The following PTPRK variants were observed in gnomAD, a reference collection of about 807,000 sequenced individuals.
PTPRK encodes receptor-type tyrosine-protein phosphatase kappa.
PTPRK carries 75 observed loss-of-function variants against 178.0 expected under a neutral mutation model. That is an observed-to-expected ratio of 0.42 (90% CI 0.35 to 0.51). PTPRK has a LOEUF of 0.51. Among genes scored for constraint, PTPRK ranks in the 20% least tolerant of loss-of-function variants. PTPRK has a pLI of 0.02. For synonymous variants in PTPRK, 637 were observed against 620.6 expected (o/e 1.03, Z -0.39); for missense variants, 1,441 against 1,797.8 (o/e 0.80, Z 3.59).
intron 2 of PTPRK, among the ~76,000 whole-genome samples, chr6:128,326,523 T>C (rs541766524): frequency 6.6e-6 from 1 of 152,256 alleles, no homozygotes; most frequent in Non-Finnish European, 1.5e-5. Flanking sequence ...AATGCAGTCA[T>C]TAAGAATAAT....
chr6:128,416,083 A>G lies in PTPRK; in HGVS notation c.101-18395T>C, dbSNP rs530413255. 3.3e-5 allele frequency among the ~76,000 whole-genome samples: 5 copies of G among 152,270 alleles called. No homozygotes were observed. The East Asian group carries it at 7.8e-4, about 24-fold the overall frequency. The stretch of plus-strand genomic sequence containing the variant: ...AAGTGCCTGTCCTAAACAGGACTAC[A>G]GAAATATAAGTACATAATTACAGTA... On this transcript the variant is annotated intron_variant, in intron 1 of 29. Transcript: ENST00000368226.
At chr6:128,115,253 T>C (rs1336794838) in intron 7 of PTPRK, among the ~76,000 whole-genome samples, 1 of 152,116 alleles carries the variant, frequency 6.6e-6, no homozygotes, top group Non-Finnish European at 1.5e-5. Flanking sequence ...CAAACACATA[T>C]GTCCCCTAGG....
chr6:128,502,956 G>A (rs1855771418), intron 1 of PTPRK, among the ~76,000 whole-genome samples: 1 of 152,110 alleles, frequency 6.6e-6, no homozygotes, highest in Non-Finnish European at 1.5e-5. Context: ...GGCCAGGCAT[G>A]GTGGCTCACA....
At chr6:128,458,782 G>A (rs1230193263) in intron 1 of PTPRK, among the ~76,000 whole-genome samples, 1 of 152,156 alleles carries the variant, frequency 6.6e-6, no homozygotes, top group Admixed American at 6.5e-5. Context: ...TACCATTTGA[G>A]AGAATCACAG....
chr6:128,473,988 A>C (rs1420630486), intron 1 of PTPRK, among the ~76,000 whole-genome samples: 2 of 152,124 alleles, frequency 1.3e-5, no homozygotes. Flanking sequence ...CTTTCCATGT[A>C]ACCTAACGGG....
chr6:128,234,043 T>C (rs1438851371), intron 5 of PTPRK, among the ~76,000 whole-genome samples: 5 of 152,244 alleles, frequency 3.3e-5, no homozygotes, highest in East Asian at 3.8e-4. Flanking sequence ...TGTCCACTTA[T>C]ACTGGACCTT....
chr6:128,147,745 G>T (rs1796695668), intron 7 of PTPRK, among the ~76,000 whole-genome samples: 1 of 152,026 alleles, frequency 6.6e-6, no homozygotes, highest in East Asian at 1.9e-4. Flanking sequence ...AACAACACAG[G>T]ATAAAACAAA....
At chr6:128,169,089 A>G (rs1403500896) in intron 7 of PTPRK, among the ~76,000 whole-genome samples, 1 of 152,074 alleles carries the variant, frequency 6.6e-6, no homozygotes, top group Non-Finnish European at 1.5e-5. Flanking sequence ...GTTACAGGCT[A>G]TACATTTGCA....
chr6:128,352,123 G>A (rs967608523), intron 2 of PTPRK, among the ~76,000 whole-genome samples: 17 of 151,356 alleles, frequency 1.1e-4, no homozygotes, highest in Non-Finnish European at 2.1e-4. Context: ...GCATGGTGGC[G>A]CACACCTGTA....
At chr6:128,093,727 G>A (rs1439216604) in intron 7 of PTPRK, among the ~76,000 whole-genome samples, 1 of 149,722 alleles carries the variant, frequency 6.7e-6, no homozygotes, top group Non-Finnish European at 1.5e-5. Context: ...TCAATGTTTA[G>A]ATCAAGTCAT....
At chr6:128,363,182 C>A (rs1835004875) in intron 2 of PTPRK, among the ~76,000 whole-genome samples, 1 of 152,128 alleles carries the variant, frequency 6.6e-6, no homozygotes, top group Non-Finnish European at 1.5e-5. Context: ...ATCCTGCTTG[C>A]AGTTAGATGG....
At chr6:128,276,280 C>A (rs1768351) in intron 3 of PTPRK, among the ~76,000 whole-genome samples, 5,673 of 152,078 alleles carry the variant, frequency 0.037, 350 homozygotes, top group African/African-American at 0.13. Flanking sequence ...TTTAAGAAAG[C>A]AGAAATATTG....
At chr6:128,030,659 G>A (rs958165109) in intron 13 of PTPRK, among the ~76,000 whole-genome samples, 4 of 152,128 alleles carry the variant, frequency 2.6e-5, no homozygotes, top group African/African-American at 9.7e-5. Context: ...CATTTCCACA[G>A]AACAACTCCT....
In PTPRK at chr6:127,998,700, C is replaced by A. The variant is rs761576391; in HGVS notation, c.2679+20G>T. On this transcript the variant is annotated intron_variant, in intron 16 of 29. Coordinates refer to ENST00000368226, the MANE Select transcript of PTPRK (RefSeq NM_002844.4). ...TCATAGTTAAAAATCAAATTCAATACAGTATCAAAACTTATTCACCTCATA... is the reference window on the plus strand; with the variant it reads ...TCATAGTTAAAAATCAAATTCAATAAAGTATCAAAACTTATTCACCTCATA... 4.6e-6 allele frequency: 7 copies of A among 1,529,174 alleles called. No individual in the cohort carries two copies. In the East Asian group the frequency reaches 1.2e-4, roughly 25 times the overall value. 94.7% of individuals were successfully genotyped at this position (1,529,174 alleles called of 1,614,324 possible). A position where few individuals can be genotyped will look rare whatever the true frequency, so the allele number is the denominator to read the frequency against.
At chr6:128,331,596 C>T (rs1387810966) in intron 2 of PTPRK, among the ~76,000 whole-genome samples, 1 of 152,090 alleles carries the variant, frequency 6.6e-6, no homozygotes, top group African/African-American at 2.4e-5. Context: ...ACTTTTTGTA[C>T]AGTCTAGTTT....
intron 18 of PTPRK, among the ~76,000 whole-genome samples, chr6:127,993,307 A>ATATAG (rs1467462397): frequency 6.6e-6 from 1 of 151,496 alleles, no homozygotes; most frequent in African/African-American, 2.4e-5. Context: ...ACACACATAT[A>ATATAG]TATAGGGAAA....
intron 9 of PTPRK, 104 bp downstream of exon 9, chr6:128,083,611 A>C: frequency 5.9e-6 from 3 of 511,474 alleles, no homozygotes; most frequent in Non-Finnish European, 1.0e-5. Context: ...TTAATCCCCT[A>C]ATCCTCATTT....
chr6:128,507,272 TG>T (rs1199161417), intron 1 of PTPRK, among the ~76,000 whole-genome samples: 1 of 152,162 alleles, frequency 6.6e-6, no homozygotes, highest in African/African-American at 2.4e-5. Flanking sequence ...TTTCTATTTT[TG>T]AACCTTGGGT....
chr6:128,322,278 C>A lies in PTPRK; in HGVS notation c.256G>T (p.Asp86Tyr). 6.2e-7 allele frequency: 1 copy of A among 1,602,800 alleles called. No homozygotes were observed. Among genetic ancestry groups the A allele is most frequent in the Non-Finnish European group, 8.5e-7 (1 of 1,169,928 alleles). ...TGAAGTCTGGCTTTTTCTCCAGGGT[C>A]GTGATCTGAAGAGTCCACTATCATA... Reference protein sequence around the residue: ...SYMIVDSSDHDPGEKARLQLP... With the variant: ...SYMIVDSSDHYPGEKARLQLP... The change falls in exon 3 of 30, where the codon GAC (aspartate) becomes TAC (tyrosine). Residue 86 changes from aspartate (D) to tyrosine (Y), a missense_variant. Asp to Tyr is a radical substitution (Grantham distance 160). Coordinates refer to ENST00000368226, the MANE Select transcript of PTPRK (RefSeq NM_002844.4).
Sources: allele counts gnomAD v4.1 joint callset (sites outside exome capture counted in the v4.1 genomes callset), GRCh38; gene constraint gnomAD v4.1.1; transcripts MANE v1.5; gene names NCBI Gene and HGNC (gene_info 2026-07-23, HGNC 2026-07-21).